Variants in ANKRD26 observed in about 807,000 individuals in gnomAD.
ANKRD26 encodes ankyrin repeat domain 26.
Under a neutral mutation model 208.7 loss-of-function variants are expected in ANKRD26, and 141 were observed. The ratio of observed to expected loss-of-function variants is 0.68; its 90% CI spans 0.59 to 0.78. The LOEUF (loss-of-function observed/expected upper bound fraction) is 0.78. Among genes scored for constraint, ANKRD26 ranks in the 30% least tolerant of loss-of-function variants. The probability of loss-of-function intolerance (pLI) is 0.00; values close to 1 mark genes in which losing one functional copy is unlikely to be tolerated. For missense variants in ANKRD26, 1,889 were observed against 1,938.7 expected, an observed-to-expected ratio of 0.97 and a Z score of 0.48; for synonymous variants, 636 against 660.4, an observed-to-expected ratio of 0.96 and a Z score of 0.57.
intron 5 of ANKRD26, among the ~76,000 whole-genome samples, chr10:27,083,371 A>G (rs1410634286): frequency 6.6e-6 from 1 of 152,186 alleles, no homozygotes; most frequent in Non-Finnish European, 1.5e-5. Flanking sequence ...AATGAAAAAA[A>G]AAATTTAAGC....
chr10:26,977,910 A>C (rs2052250791), intron 5 of ANKRD26, among the ~76,000 whole-genome samples: 1 of 152,224 alleles, frequency 6.6e-6, no homozygotes, highest in South Asian at 2.1e-4. Flanking sequence ...GCTACTTGAG[A>C]GGAGACCAAA....
At chr10:27,077,029 G>C in intron 9 of ANKRD26, 1 of 345,298 alleles carries the variant, frequency 2.9e-6, no homozygotes, top group South Asian at 3.2e-5. Flanking sequence ...ACCAAAGCCA[G>C]AAAAGGACAT....
At position 26,980,667 on chromosome 10, in the gene ANKRD26, G is replaced by T. The variant is rs1282446740; in HGVS notation, c.*190C>A. 2.0e-5 allele frequency among the ~76,000 whole-genome samples: 3 copies of T among 152,156 alleles called. No individual in the cohort carries two copies. In the East Asian group the frequency reaches 5.8e-4, roughly 29 times the overall value. ...CTTCTTCCAGATGAAAGGCTGCCAG[G>T]GAGACTGTTGTGAAATCATCAGGAG... On this transcript the variant is annotated 3_prime_UTR_variant and NMD_transcript_variant, in exon 5 of 6. Transcript: ENST00000674670.
intron 10 of ANKRD26, 82 bp from the exon 11 acceptor site, chr10:27,066,630 G>T: frequency 1.2e-6 from 1 of 833,110 alleles, no homozygotes; most frequent in Non-Finnish European, 1.8e-6. Context: ...ACATATACAA[G>T]TCTATCTCCA....
chr10:27,024,991 A>G (rs930252996), intron 27 of ANKRD26, among the ~76,000 whole-genome samples: 1 of 152,210 alleles, frequency 6.6e-6, no homozygotes, highest in Non-Finnish European at 1.5e-5. Context: ...CCTGACTTCA[A>G]GATGAGCTAT....
intron 16 of ANKRD26, chr10:27,051,373 A>C: frequency 8.2e-7 from 1 of 1,224,838 alleles, no homozygotes; most frequent in East Asian, 5.7e-5. Context: ...ATTTCTTTGG[A>C]GCAGATCAAA....
In ANKRD26 at chr10:27,043,472, G is replaced by A. The variant is rs1217944159; in HGVS notation, c.2115C>T (p.Tyr705=). 6.2e-7 allele frequency: 1 copy of A among 1,613,962 alleles called. No individual in the cohort carries two copies. Among genetic ancestry groups the A allele is most frequent in the Admixed American group, 1.7e-5 (1 of 60,020 alleles). Residue 705 remains tyrosine, a synonymous_variant, in exon 20 of 34, where the codon TAC becomes TAT. Coordinates refer to ENST00000376087, the MANE Select transcript of ANKRD26 (RefSeq NM_014915.3). ...GTTCAATGAGCAACATAAAATTCTTGTAACTAGAGTGGGGTAGCTCACAAT... is the reference window on the plus strand; with the variant it reads ...GTTCAATGAGCAACATAAAATTCTTATAACTAGAGTGGGGTAGCTCACAAT... ...SEDCELPHSS[Y]KNFMLLIEQL...
chr10:27,086,776 T>TG (rs2056134936), intron 4 of ANKRD26, among the ~76,000 whole-genome samples, 167 bp from the exon 5 acceptor site: 1 of 141,648 alleles, frequency 7.1e-6, no homozygotes, highest in African/African-American at 2.6e-5. Flanking sequence ...TTGTTTTTTT[T>TG]TTTTTTTTTT....
At chr10:27,042,845 C>T (rs1386086236) in intron 20 of ANKRD26, among the ~76,000 whole-genome samples, 1 of 131,558 alleles carries the variant, frequency 7.6e-6, no homozygotes, top group Non-Finnish European at 1.6e-5. Flanking sequence ...ACACGCCTAT[C>T]ATATCAGCTA....
At chr10:26,998,687 A>C (rs2134721730) in intron 4 of ANKRD26, among the ~76,000 whole-genome samples, 1 of 152,302 alleles carries the variant, frequency 6.6e-6, no homozygotes. Flanking sequence ...GGGTTCCTCT[A>C]TTATTGGTTG....
chr10:27,036,532 T>C (rs1308198661), intron 23 of ANKRD26, among the ~76,000 whole-genome samples: 3 of 152,130 alleles, frequency 2.0e-5, no homozygotes, highest in Non-Finnish European at 4.4e-5. Flanking sequence ...CGAGATTATT[T>C]GTTGTCGCAA....
intron 6 of ANKRD26, 72 bp downstream of exon 6, chr10:27,082,731 G>A (rs1471652747): frequency 6.6e-7 from 1 of 1,517,592 alleles, no homozygotes. Context: ...TGTCTACCCA[G>A]AGTAGGGCAC....
intron 1 of ANKRD26, among the ~76,000 whole-genome samples, chr10:27,098,750 T>C (rs1056243155): frequency 2.0e-5 from 3 of 151,804 alleles, no homozygotes; most frequent in African/African-American, 7.3e-5. Context: ...GGGGTTTCAC[T>C]GTGTTAGCCA....
At chr10:27,022,105 C>A (rs1420652556) in intron 29 of ANKRD26, among the ~76,000 whole-genome samples, 2 of 152,086 alleles carry the variant, frequency 1.3e-5, no homozygotes, top group African/African-American at 4.8e-5. Context: ...GCCATGAAAT[C>A]TTTGTCTGTT....
intron 5 of ANKRD26, 69 bp from the exon 6 acceptor site, chr10:27,082,902 G>A: frequency 6.6e-7 from 1 of 1,520,916 alleles, no homozygotes; most frequent in Non-Finnish European, 8.9e-7. Flanking sequence ...TAAAGCATAA[G>A]ACTGATAGTT....
intron 9 of ANKRD26, among the ~76,000 whole-genome samples, chr10:27,076,022 A>G (rs1006824019): frequency 1.4e-4 from 21 of 152,192 alleles, no homozygotes; most frequent in African/African-American, 4.3e-4. Context: ...GTTAATAATA[A>G]AATCAAGAAG....
At chr10:26,960,722 T>C in the ANKRD26 span, among the ~76,000 whole-genome samples, 2 of 152,196 alleles carry the variant, frequency 1.3e-5, no homozygotes, top group Admixed American at 1.3e-4. Context: ...ATAAATACTA[T>C]CCTATATTTA....
intron 16 of ANKRD26, among the ~76,000 whole-genome samples, chr10:27,050,639 A>G (rs780737396): frequency 3.3e-5 from 5 of 152,200 alleles, no homozygotes; most frequent in African/African-American, 4.8e-5. Context: ...ATATATTTTT[A>G]TATCTCTTCT....
At chr10:27,000,916 G>A (rs565688631), downstream of ANKRD26, among the ~76,000 whole-genome samples, 3 of 152,336 alleles carry the variant, frequency 2.0e-5, no homozygotes, top group South Asian at 2.1e-4. Flanking sequence ...GCTGAGGCAG[G>A]AGGATGGCGT....
Sources: allele counts gnomAD v4.1 joint callset (sites outside exome capture counted in the v4.1 genomes callset), GRCh38; gene constraint gnomAD v4.1.1; transcripts MANE v1.5; gene names NCBI Gene and HGNC (gene_info 2026-07-23, HGNC 2026-07-21).